Variants in DNAJC13 observed in about 807,000 individuals in gnomAD.
DNAJC13 encodes the protein dnaJ homolog subfamily C member 13.
Under a neutral mutation model 290.5 loss-of-function variants are expected in DNAJC13, and 75 were observed. That is an observed-to-expected ratio of 0.26 (90% confidence interval 0.21 to 0.31). DNAJC13 has a LOEUF of 0.31. Ranked by LOEUF, DNAJC13 falls within the 10% of genes least tolerant of loss-of-function variation. The pLI, the probability that DNAJC13 is intolerant of heterozygous loss-of-function variation, is 1.00. For missense variants in DNAJC13, 2,260 were observed against 2,674.5 expected (o/e 0.85, Z 3.42); for synonymous variants, 862 against 892.0 (o/e 0.97, Z 0.60).
In DNAJC13 at chr3:132,490,855, T is replaced by C. The variant is rs762034646; in HGVS notation, c.3469-42T>C. 2.7e-6 allele frequency: 4 copies of C among 1,456,362 alleles called. No homozygotes were observed. In the South Asian group the frequency reaches 5.8e-5, roughly 21 times the overall value. 90.2% of individuals were successfully genotyped at this position (1,456,362 alleles called of 1,614,324 possible). ...ATTTATTAGAAAATTGAAAGTTAAC[T>C]TTAGTGTTTTTGACTACCTTTTGTT... On this transcript the variant is annotated intron_variant, in intron 31 of 55. Transcript: ENST00000260818.
In DNAJC13 at chr3:132,494,146, T is replaced by G; in HGVS notation, c.3828T>G (p.Val1276=). ...AATTTTAATCTTTTGTCTTTAAGGT[T>G]AAGCTTCTAAAAGATACCCTTGATG... ...RFPDWPIKDP[V]KLLKDTLDAW... is the part of the protein sequence containing the mutation. Residue 1276 remains valine (V), a splice_region_variant and synonymous_variant, in exon 34 of 56, where the codon GTT becomes GTG. Transcript: ENST00000260818. 6.3e-7 allele frequency: 1 copy of G among 1,593,796 alleles called. No individual in the cohort carries two copies. The highest frequency in any genetic ancestry group is 8.5e-7 in the Non-Finnish European group (1 of 1,170,974).
rs34198565 is a variant in DNAJC13, at chr3:132,450,861, TA to T, written c.537+26del. The T allele has an allele frequency of 0.026, 27,800 of 1,079,396 alleles. 1 individual carries two copies. Among genetic ancestry groups the T allele is most frequent in the South Asian group, 0.041 (2,276 of 55,038 alleles). The allele number at this position is 1,079,396 out of a possible 1,614,324, so 66.9% of individuals were successfully genotyped here. On this transcript the variant is annotated intron_variant, in intron 6 of 55. Transcript: ENST00000260818. Reference sequence around the variant, plus strand: ...TTTAGTAGATTGGTAAGTACTATTTTAAAAAAAAAAAACACTTTAAAAGGGT... The same window carrying T: ...TTTAGTAGATTGGTAAGTACTATTTTAAAAAAAAAAACACTTTAAAAGGGT...
chr3:132,434,447 G>A (rs538554531), intron 1 of DNAJC13, 91 bp from the exon 2 acceptor site: 6 of 863,456 alleles, frequency 6.9e-6, no homozygotes, highest in Admixed American at 2.4e-5. Flanking sequence ...GTGAAAGTGA[G>A]AGAGCGATCT....
At chr3:132,428,565 C>T (rs1312908193) in intron 1 of DNAJC13, among the ~76,000 whole-genome samples, 3 of 152,052 alleles carry the variant, frequency 2.0e-5, no homozygotes, top group Admixed American at 1.3e-4. Flanking sequence ...CCACAGTAGC[C>T]TCCCAAAGTG....
At position 132,444,786 on chromosome 3, in the gene DNAJC13, C is replaced by G. The variant is rs868751537; in HGVS notation, c.69-1689C>G. On this transcript the variant is annotated intron_variant, in intron 2 of 55. Coordinates refer to ENST00000260818, the MANE Select transcript of DNAJC13 (RefSeq NM_015268.4). ...TTTGAAGTTTTGAAACTTTTAAGCT[C>G]TTTAGATAGCTTGTTTACTTCACCA... is the stretch of plus-strand genomic sequence containing the variant. 3.3e-5 allele frequency among the ~76,000 whole-genome samples: 5 copies of G among 152,236 alleles called. No individual in the cohort carries two copies. In the South Asian group the frequency reaches 1.0e-3, roughly 32 times the overall value.
intron 48 of DNAJC13, among the ~76,000 whole-genome samples, chr3:132,518,056 ATTTT>A (rs958904453): frequency 6.6e-5 from 10 of 151,658 alleles, no homozygotes; most frequent in African/African-American, 1.5e-4. Flanking sequence ...TTCTTTATTA[ATTTT>A]TTTTATTTAT....
chr3:132,419,569 T>G (rs1938897416), intron 1 of DNAJC13, among the ~76,000 whole-genome samples: 1 of 152,194 alleles, frequency 6.6e-6, no homozygotes. Context: ...AGGGTTGAAA[T>G]TGAAAAGATG....
intron 55 of DNAJC13, among the ~76,000 whole-genome samples, chr3:132,536,467 T>C (rs1936596061): frequency 6.6e-6 from 1 of 152,174 alleles, no homozygotes; most frequent in Non-Finnish European, 1.5e-5. Flanking sequence ...AGCACACAGT[T>C]TGAGAACTGC....
intron 6 of DNAJC13, 25 bp downstream of exon 6, chr3:132,450,872 A>C: frequency 8.6e-6 from 12 of 1,396,588 alleles, no homozygotes; most frequent in Non-Finnish European, 1.1e-5. Flanking sequence ...AAAAAAAAAA[A>C]ACACTTTAAA....
intron 1 of DNAJC13, among the ~76,000 whole-genome samples, chr3:132,428,543 C>T (rs773740928): frequency 6.6e-6 from 1 of 151,404 alleles, no homozygotes; most frequent in South Asian, 2.1e-4. Flanking sequence ...CTTCTGGACT[C>T]AAGTGATCCT....
At chr3:132,497,124 C>T (rs190098469) in intron 36 of DNAJC13, among the ~76,000 whole-genome samples, 1 of 152,344 alleles carries the variant, frequency 6.6e-6, no homozygotes, top group African/African-American at 2.4e-5. Context: ...ATATACTTCT[C>T]ATACGTTCTA....
intron 41 of DNAJC13, among the ~76,000 whole-genome samples, chr3:132,504,385 C>T (rs6439359): frequency 0.6 from 90,277 of 150,854 alleles, 29,184 homozygotes; most frequent in East Asian, 0.87. Context: ...GGGACCACTC[C>T]TGATGTTAGT....
chr3:132,528,405 T>C (rs1936324054), intron 54 of DNAJC13, 73 bp downstream of exon 54: 1 of 1,546,390 alleles, frequency 6.5e-7, no homozygotes. Flanking sequence ...CACGTACCTG[T>C]GTTCAAGTTC....
At chr3:132,446,587 C>T (rs1933250064) in intron 3 of DNAJC13, 37 bp downstream of exon 3, 2 of 1,447,658 alleles carry the variant, frequency 1.4e-6, no homozygotes, top group Middle Eastern at 1.8e-4. Context: ...TTTGTATGAA[C>T]TCCCTTTGAA....
chr3:132,465,880 A>AT (rs1451376142), intron 17 of DNAJC13, 115 bp from the exon 18 acceptor site: 2 of 634,044 alleles, frequency 3.2e-6, no homozygotes, highest in Non-Finnish European at 5.4e-6. Context: ...CATCGGAATG[A>AT]TTTTTTTACT....
chr3:132,483,540 A>G lies in DNAJC13; in HGVS notation c.3145A>G (p.Asn1049Asp). The G allele has an allele frequency of 6.2e-7, 1 of 1,614,120 alleles. No homozygotes were observed. Among genetic ancestry groups the G allele is most frequent in the Non-Finnish European group, 8.5e-7 (1 of 1,179,976 alleles). ...AACTGACCTTGCTACCCTTATATTG[A>G]ACATGTTGATCACAATGTGTGGATA... ...NETDLATLIL[N>D]MLITMCGYFP... The change falls in exon 28 of 56, where the codon AAC becomes GAC. Residue 1049 changes from asparagine (N) to aspartate (D), a missense_variant. By Grantham distance (23) the Asn-to-Asp change is conservative (BLOSUM62 1). Coordinates refer to ENST00000260818, the MANE Select transcript of DNAJC13 (RefSeq NM_015268.4).
At chr3:132,502,921 A>C (rs1003655722) in intron 40 of DNAJC13, among the ~76,000 whole-genome samples, 4 of 152,170 alleles carry the variant, frequency 2.6e-5, no homozygotes, top group Non-Finnish European at 5.9e-5. Flanking sequence ...CTGCCTACCT[A>C]TCCCCTACTC....
intron 50 of DNAJC13, 70 bp downstream of exon 50, chr3:132,523,269 T>C: frequency 6.5e-7 from 1 of 1,532,428 alleles, no homozygotes; most frequent in South Asian, 1.1e-5. Flanking sequence ...ACTGAGTCAG[T>C]TTAATGCCGA....
At chr3:132,511,324 A>C (rs1935774167) in intron 44 of DNAJC13, 80 bp downstream of exon 44, 1 of 1,482,516 alleles carries the variant, frequency 6.7e-7, no homozygotes, top group Non-Finnish European at 9.2e-7. Context: ...TTTATCAGGG[A>C]AACTCAGGGA....
Sources: allele counts gnomAD v4.1 joint callset (sites outside exome capture counted in the v4.1 genomes callset), GRCh38; gene constraint gnomAD v4.1.1; transcripts MANE v1.5; gene names NCBI Gene and HGNC (gene_info 2026-07-23, HGNC 2026-07-21).